Variants in ABCA13 observed in about 807,000 individuals in gnomAD.
ABCA13 encodes ATP binding cassette subfamily A member 13.
Under a neutral mutation model 478.7 loss-of-function variants are expected in ABCA13, and 476 were observed. The observed-to-expected ratio is 0.99, with a 90% CI of 0.92 to 1.07. The LOEUF (loss-of-function observed/expected upper bound fraction) is 1.07. ABCA13 is among the 50% of genes least tolerant of loss of function. The probability of loss-of-function intolerance (pLI) is 0.00; values close to 1 mark genes in which losing one functional copy is unlikely to be tolerated. For missense variants in ABCA13, 6,060 were observed against 5,910.6 expected (o/e 1.03, Z -0.83); for synonymous variants, 2,252 against 2,158.9 (o/e 1.04, Z -1.20).
intron 39 of ABCA13, among the ~76,000 whole-genome samples, chr7:48,408,847 C>T (rs926637454): frequency 3.9e-5 from 6 of 152,158 alleles, no homozygotes; most frequent in Middle Eastern, 3.2e-3. Flanking sequence ...CCTCCCGGCT[C>T]CCTCCACCAT....
intron 20 of ABCA13, among the ~76,000 whole-genome samples, chr7:48,295,470 C>T (rs553545785): frequency 1.3e-3 from 192 of 152,316 alleles, no homozygotes; most frequent in Middle Eastern, 3.4e-3. Flanking sequence ...TGCGTGTTCT[C>T]TGCTGTGTGT....
At chr7:48,394,672 G>A (rs2129059741) in intron 38 of ABCA13, among the ~76,000 whole-genome samples, 1 of 152,156 alleles carries the variant, frequency 6.6e-6, no homozygotes, top group African/African-American at 2.4e-5. Context: ...TGAATAACTG[G>A]ATTTTTTTTT....
intron 15 of ABCA13, among the ~76,000 whole-genome samples, chr7:48,249,846 T>G (rs1038922680): frequency 2.0e-5 from 3 of 151,842 alleles, no homozygotes; most frequent in Admixed American, 2.0e-4. Context: ...CAACAAGCAA[T>G]TCTCCACTTC....
rs191805382 is a variant in ABCA13 at position 48,404,128 on chromosome 7, A to C, written c.12070+249A>C. ...GCAATGACATCTATGTACATTATACATTATCATACATGATTTCAAGGAAAA... is the reference window on the plus strand; with the variant it reads ...GCAATGACATCTATGTACATTATACCTTATCATACATGATTTCAAGGAAAA... On this transcript the variant is annotated intron_variant, in intron 39 of 61. Coordinates refer to ENST00000435803, the MANE Select transcript of ABCA13 (RefSeq NM_152701.5). 30 of 428,908 alleles carry C rather than the reference A, an allele frequency of 7.0e-5. No homozygotes were observed. The Admixed American group carries it at 9.2e-4, about 13-fold the overall frequency. 26.6% of individuals were successfully genotyped at this position (428,908 alleles called of 1,614,324 possible).
intron 44 of ABCA13, among the ~76,000 whole-genome samples, chr7:48,471,187 T>A (rs1395654552): frequency 6.6e-6 from 1 of 152,242 alleles, no homozygotes; most frequent in Non-Finnish European, 1.5e-5. Context: ...CGTCTTGCTG[T>A]TTATTAATTG....
At chr7:48,532,939 C>T (rs906214437) in intron 55 of ABCA13, among the ~76,000 whole-genome samples, 1 of 151,890 alleles carries the variant, frequency 6.6e-6, no homozygotes, top group Non-Finnish European at 1.5e-5. Flanking sequence ...TTTGATTTGT[C>T]ATTTCAGATA....
chr7:48,362,254 G>C (rs1053916365), intron 31 of ABCA13, among the ~76,000 whole-genome samples: 1 of 150,194 alleles, frequency 6.7e-6, no homozygotes, highest in Non-Finnish European at 1.5e-5. Flanking sequence ...TCTTTTTCCT[G>C]TGGAGTTTGG....
intron 42 of ABCA13, among the ~76,000 whole-genome samples, chr7:48,445,544 T>C (rs1431386879): frequency 6.6e-6 from 1 of 152,126 alleles, no homozygotes; most frequent in Non-Finnish European, 1.5e-5. Context: ...TGGAATGCTG[T>C]CTACTCTTTC....
At chr7:48,570,020 T>C (rs989684820) in intron 55 of ABCA13, among the ~76,000 whole-genome samples, 2 of 152,140 alleles carry the variant, frequency 1.3e-5, no homozygotes, top group Non-Finnish European at 2.9e-5. Flanking sequence ...GTTAATCTTC[T>C]AGCATAGTTA....
intron 39 of ABCA13, chr7:48,404,290 T>C (rs1817986894): frequency 3.9e-6 from 1 of 253,646 alleles, no homozygotes; most frequent in African/African-American, 2.3e-5. Context: ...GAAAGTTTCC[T>C]GAACTGAGGG....
At chr7:48,554,274 G>A (rs1785578871) in intron 55 of ABCA13, among the ~76,000 whole-genome samples, 1 of 151,904 alleles carries the variant, frequency 6.6e-6, no homozygotes, top group South Asian at 2.1e-4. Context: ...CTCTAGTTTT[G>A]TTCTTTTTGC....
At chr7:48,552,626 A>G (rs1381240765) in intron 55 of ABCA13, among the ~76,000 whole-genome samples, 1 of 151,140 alleles carries the variant, frequency 6.6e-6, no homozygotes, top group African/African-American at 2.4e-5. Flanking sequence ...ATGTATTGAC[A>G]AATTATAATT....
At chr7:48,620,680 A>G (rs990547678) in intron 59 of ABCA13, among the ~76,000 whole-genome samples, 1 of 152,214 alleles carries the variant, frequency 6.6e-6, no homozygotes, top group Non-Finnish European at 1.5e-5. Flanking sequence ...AATAATAGTT[A>G]GACCAGATTC....
intron 35 of ABCA13, 104 bp downstream of exon 35, chr7:48,376,676 A>G: frequency 1.5e-6 from 2 of 1,291,232 alleles, no homozygotes; most frequent in African/African-American, 1.5e-5. Flanking sequence ...AGGAAGATCC[A>G]GAAAGGGAAG....
At chr7:48,314,439 T>C in intron 26 of ABCA13, 30 bp downstream of exon 26, 2 of 1,489,046 alleles carry the variant, frequency 1.3e-6, no homozygotes, top group Non-Finnish European at 1.8e-6. Context: ...TATATATGTG[T>C]TTAGATTCGT....
intron 8 of ABCA13, among the ~76,000 whole-genome samples, chr7:48,236,369 C>A (rs1344836796): frequency 6.6e-6 from 1 of 151,924 alleles, no homozygotes; most frequent in Non-Finnish European, 1.5e-5. Flanking sequence ...TTTCCTTTAC[C>A]AAAAGGAAAT....
intron 6 of ABCA13, among the ~76,000 whole-genome samples, chr7:48,229,337 C>T (rs1294422892): frequency 6.6e-6 from 1 of 152,190 alleles, no homozygotes; most frequent in Admixed American, 6.5e-5. Flanking sequence ...AACCCTTGAC[C>T]TATTCAGATC....
intron 15 of ABCA13, among the ~76,000 whole-genome samples, chr7:48,264,347 C>T (rs1021754318): frequency 6.6e-6 from 1 of 151,820 alleles, no homozygotes; most frequent in Non-Finnish European, 1.5e-5. Context: ...TAGCCTTTTA[C>T]AAAATTCACA....
rs1256548449 is a variant in ABCA13, at chr7:48,239,377, C to A, written c.1034C>A (p.Ala345Glu). ...GAAGCCAAAAACTATCTTGTCCATG[C>A]AGTCAGCTGGCTGCGAGTCTACCAA... ...WSEAKNYLVH[A>E]VSWLRVYQQV... The change falls in exon 9 of 62, where the codon GCA becomes GAA. Residue 345 changes from alanine to glutamate, a missense_variant. Transcript: ENST00000435803. The A allele has an allele frequency of 6.2e-7, 1 of 1,613,642 alleles. No individual in the cohort carries two copies. Among genetic ancestry groups the A allele is most frequent in the South Asian group, 1.1e-5 (1 of 91,026 alleles).
Sources: gnomAD v4.1 joint callset for allele counts (sites outside exome capture counted in the v4.1 genomes callset) on GRCh38, gnomAD v4.1.1 for gene constraint, MANE v1.5 for transcripts, NCBI Gene and HGNC (gene_info 2026-07-23, HGNC 2026-07-21) for gene names.